The following TMEM117 variants were observed in gnomAD, a reference collection of about 807,000 sequenced individuals.
TMEM117 encodes transmembrane protein 117.
A neutral mutation model predicts 52.4 loss-of-function variants in TMEM117; 27 were observed. The ratio of observed to expected loss-of-function variants is 0.51; its 90% CI spans 0.38 to 0.71. The LOEUF (loss-of-function observed/expected upper bound fraction) is 0.71, where lower values mean the gene tolerates loss of function less well. Among genes scored for constraint, TMEM117 ranks in the 30% least tolerant of loss-of-function variants. The probability of loss-of-function intolerance (pLI) is 0.00; values close to 1 mark genes in which losing one functional copy is unlikely to be tolerated. For missense variants in TMEM117, 556 were observed against 630.5 expected (o/e 0.88, Z 1.26); for synonymous variants, 215 against 206.3 (o/e 1.04, Z -0.36).
chr12:44,082,130 T>C (rs1947490910), intron 3 of TMEM117, among the ~76,000 whole-genome samples: 1 of 152,144 alleles, frequency 6.6e-6, no homozygotes, highest in East Asian at 1.9e-4. Context: ...TAGAATGACA[T>C]TGACACCATA....
intron 2 of TMEM117, among the ~76,000 whole-genome samples, chr12:43,934,086 T>C (rs928728418): frequency 8.6e-5 from 13 of 152,026 alleles, no homozygotes; most frequent in African/African-American, 3.1e-4. Context: ...TTTGATATAA[T>C]TTCACTTAGT....
chr12:43,864,957 G>A (rs184535753), intron 2 of TMEM117, among the ~76,000 whole-genome samples: 4 of 152,034 alleles, frequency 2.6e-5, no homozygotes, highest in African/African-American at 4.8e-5. Flanking sequence ...CGGGAGGAAC[G>A]AACAATTCCA....
chr12:43,844,600 C>A (rs1943168109), intron 1 of TMEM117, 24 bp from the exon 2 acceptor site: 15 of 1,569,442 alleles, frequency 9.6e-6, no homozygotes, highest in Non-Finnish European at 1.3e-5. Context: ...CCTCCTCTAA[C>A]CCTATCTATC....
intron 2 of TMEM117, among the ~76,000 whole-genome samples, chr12:43,910,093 CAAT>C (rs1468420006): frequency 9.0e-6 from 1 of 110,726 alleles, no homozygotes; most frequent in Non-Finnish European, 1.9e-5. Context: ...CAAAAATCCT[CAAT>C]AAAATACTGG....
chr12:43,796,807 T>A, the TMEM117 span, among the ~76,000 whole-genome samples: 54 of 152,122 alleles, frequency 3.5e-4, no homozygotes, highest in South Asian at 6.4e-3. Flanking sequence ...TATATAGAGA[T>A]GGGGATCATG....
chr12:43,998,247 T>C (rs759333809), intron 3 of TMEM117, among the ~76,000 whole-genome samples: 1 of 152,140 alleles, frequency 6.6e-6, no homozygotes, highest in Admixed American at 6.6e-5. Context: ...CATCCAGACA[T>C]TGGTAGAGGG....
rs190239256 is a variant in TMEM117, at chr12:44,123,118, T to C, written c.411-20407T>C. 3.5e-3 allele frequency among the ~76,000 whole-genome samples: 540 copies of C among 152,322 alleles called. 2 individuals carry two copies. The highest frequency in any genetic ancestry group is 0.012 in the African/African-American group (517 of 41,576). On this transcript the variant is annotated intron_variant, in intron 3 of 7. Coordinates refer to ENST00000266534, the MANE Select transcript of TMEM117 (RefSeq NM_032256.3). ...AATAGCCATTCTAACTGGCATGAGA[T>C]AGTATCTCATTGTGGTTTTGATTTG...
chr12:44,370,321 G>GTTTCA lies in TMEM117; in HGVS notation c.769-6273_769-6269dup, dbSNP rs1245626654. 3.3e-5 allele frequency among the ~76,000 whole-genome samples: 5 copies of GTTTCA among 151,896 alleles called. No individual in the cohort carries two copies. The East Asian group carries it at 9.6e-4, about 29-fold the overall frequency. ...ATCAATGACAAATGGCTCAATCTTT[G>GTTTCA]TTTCACTCTCTGTATAATTCCAGTA... On this transcript the variant is annotated intron_variant, in intron 6 of 7. Transcript: ENST00000266534.
chr12:44,390,007 CTTGTT>C (rs1018899760), downstream of TMEM117, among the ~76,000 whole-genome samples: 1 of 151,980 alleles, frequency 6.6e-6, no homozygotes, highest in Non-Finnish European at 1.5e-5. Flanking sequence ...TTAAATCTCT[CTTGTT>C]TTGATCTATC....
At chr12:43,962,641 G>T (rs1047039133) in intron 3 of TMEM117, among the ~76,000 whole-genome samples, 3 of 152,106 alleles carry the variant, frequency 2.0e-5, no homozygotes, top group Non-Finnish European at 4.4e-5. Context: ...ATTAGGAGGG[G>T]CCGGGCACGT....
At chr12:43,991,480 A>C (rs1163609984) in intron 3 of TMEM117, among the ~76,000 whole-genome samples, 12 of 148,178 alleles carry the variant, frequency 8.1e-5, no homozygotes, top group African/African-American at 3.1e-4. Flanking sequence ...TATCTAATCT[A>C]TCTCTGTCTA....
At chr12:44,265,009 A>G (rs1950360672) in intron 5 of TMEM117, among the ~76,000 whole-genome samples, 1 of 152,182 alleles carries the variant, frequency 6.6e-6, no homozygotes, top group South Asian at 2.1e-4. Context: ...GGGATAGTAG[A>G]TGATAAAGAA....
chr12:44,066,706 G>A (rs1947226624), intron 3 of TMEM117, among the ~76,000 whole-genome samples: 2 of 152,196 alleles, frequency 1.3e-5, no homozygotes, highest in South Asian at 4.1e-4. Context: ...GATCATTTGA[G>A]CTGTCAGCGA....
intron 6 of TMEM117, among the ~76,000 whole-genome samples, chr12:44,336,590 A>G (rs1423020104): frequency 6.6e-6 from 1 of 151,986 alleles, no homozygotes; most frequent in Non-Finnish European, 1.5e-5. Flanking sequence ...ATGAAGCTTT[A>G]TGGGAAGCCA....
Position 43,844,877 on chromosome 12 carries a change from A to G in TMEM117, c.226A>G (p.Ile76Val), listed in dbSNP as rs779794693. ...GAAGGTGCTTCTATGGCTACTTGCC[A>G]TTCTCACAGGACTAATAGCTGGCAA... Reference protein sequence around the residue: ...ILKVLLWLLAILTGLIAGKFL... With the variant: ...ILKVLLWLLAVLTGLIAGKFL... The change falls in exon 2 of 8, where the codon ATT (isoleucine) becomes GTT (valine). Residue 76 changes from isoleucine to valine, a missense_variant. Physicochemically the swap from Ile to Val is conservative, Grantham distance 29 (BLOSUM62 3). Transcript: ENST00000266534. 6.2e-7 allele frequency: 1 copy of G among 1,614,218 alleles called. No individual in the cohort carries two copies.
At chr12:44,277,259 A>G (rs1208624332) in intron 5 of TMEM117, among the ~76,000 whole-genome samples, 1 of 152,110 alleles carries the variant, frequency 6.6e-6, no homozygotes, top group Non-Finnish European at 1.5e-5. Context: ...AGTTGATCTT[A>G]ATTATAGCTG....
chr12:44,115,847 G>A (rs1450338049), intron 3 of TMEM117, among the ~76,000 whole-genome samples: 2 of 152,160 alleles, frequency 1.3e-5, no homozygotes, highest in African/African-American at 2.4e-5. Flanking sequence ...TACAAAGCTA[G>A]CCCTCATACA....
intron 3 of TMEM117, among the ~76,000 whole-genome samples, chr12:43,962,522 A>G (rs1945419678): frequency 6.6e-6 from 1 of 152,208 alleles, no homozygotes; most frequent in Non-Finnish European, 1.5e-5. Flanking sequence ...ACAATAGAAG[A>G]TCAATAAAAT....
intron 7 of TMEM117, among the ~76,000 whole-genome samples, chr12:44,382,975 G>A (rs370115957): frequency 2.4e-4 from 37 of 152,266 alleles, no homozygotes; most frequent in African/African-American, 7.9e-4. Flanking sequence ...AGATTAGGAT[G>A]GATGGCCAAG....
Sources: gnomAD v4.1 joint callset for allele counts (sites outside exome capture counted in the v4.1 genomes callset) on GRCh38, gnomAD v4.1.1 for gene constraint, MANE v1.5 for transcripts, NCBI Gene and HGNC (gene_info 2026-07-23, HGNC 2026-07-21) for gene names.